PLCH1: variants seen among roughly 807,000 people sequenced by gnomAD.
The protein encoded by PLCH1 is 1-phosphatidylinositol 4,5-bisphosphate phosphodiesterase eta-1.
A neutral mutation model predicts 126.7 loss-of-function variants in PLCH1; 60 were observed. The ratio of observed to expected loss-of-function variants is 0.47; its 90% confidence interval spans 0.38 to 0.59. The LOEUF (loss-of-function observed/expected upper bound fraction) is 0.59, where lower values mean the gene tolerates loss of function less well. Among genes scored for constraint, PLCH1 ranks in the 20% least tolerant of loss-of-function variants. The pLI, the probability that PLCH1 is intolerant of heterozygous loss-of-function variation, is 0.00. For synonymous variants in PLCH1, 719 were observed against 734.9 expected (o/e 0.98, Z 0.35); for missense variants, 1,723 against 2,040.0 (o/e 0.84, Z 2.99).
In PLCH1 at chr3:155,566,165, A is replaced by G. The variant is rs1309373310; in HGVS notation, c.866-1047T>C. Among the ~76,000 whole-genome samples the G allele has an allele frequency of 5.1e-3, 411 of 80,680 alleles. 4 individuals are homozygous for G. The highest frequency in any genetic ancestry group is 6.5e-3 in the Admixed American group (48 of 7,414). 52.9% of individuals were successfully genotyped at this position (80,680 alleles called of 152,430 possible). ...TGTATATATACATATATACACATACATATATACACATATATACACATATAT... is the reference window on the plus strand; with the variant it reads ...TGTATATATACATATATACACATACGTATATACACATATATACACATATAT... On this transcript the variant is annotated intron_variant, in intron 7 of 22. Coordinates refer to ENST00000460012, the MANE Select transcript of PLCH1 (RefSeq NM_014996.4).
intron 2 of PLCH1, among the ~76,000 whole-genome samples, chr3:155,649,998 T>C (rs1740528283): frequency 6.6e-6 from 1 of 151,698 alleles, no homozygotes; most frequent in African/African-American, 2.4e-5. Context: ...GAAGTAGAAT[T>C]AACAAGACTC....
intron 1 of PLCH1, among the ~76,000 whole-genome samples, chr3:155,707,443 C>G (rs1376192448): frequency 1.3e-5 from 2 of 152,140 alleles, no homozygotes; most frequent in Non-Finnish European, 1.5e-5. Flanking sequence ...AATCCCAACA[C>G]TTTGGGGGGC....
intron 7 of PLCH1, among the ~76,000 whole-genome samples, chr3:155,567,417 C>T (rs1728667798): frequency 6.6e-6 from 1 of 152,096 alleles, no homozygotes; most frequent in Non-Finnish European, 1.5e-5. Flanking sequence ...AATTACCTAC[C>T]ACCACAGGAA....
At chr3:155,562,335 C>T (rs1727747651) in intron 8 of PLCH1, among the ~76,000 whole-genome samples, 1 of 152,174 alleles carries the variant, frequency 6.6e-6, no homozygotes, top group African/African-American at 2.4e-5. Flanking sequence ...GTGATGACAA[C>T]TTTCCACATT....
Position 155,467,629 on chromosome 3 carries a change from G to T in PLCH1, c.2938+17727C>A, listed in dbSNP as rs572524262. ...GAGAAAATAAATAACATACAATAGAGTTACAATACATCTGGCTGCAGACTT... is the reference window on the plus strand; with the variant it reads ...GAGAAAATAAATAACATACAATAGATTTACAATACATCTGGCTGCAGACTT... On this transcript the variant is annotated intron_variant, in intron 21 of 21. Coordinates refer to the PLCH1 transcript ENST00000494598. 3.8e-4 allele frequency among the ~76,000 whole-genome samples: 58 copies of T among 151,868 alleles called. 1 individual carries two copies. Among genetic ancestry groups the T allele is most frequent in the Non-Finnish European group, 1.5e-5 (1 of 67,976 alleles).
At chr3:155,612,919 A>AAAAAG (rs1267901367) in intron 2 of PLCH1, among the ~76,000 whole-genome samples, 3 of 151,446 alleles carry the variant, frequency 2.0e-5, no homozygotes, top group South Asian at 2.1e-4. Context: ...AAAAAAAAAA[A>AAAAAG]AAAAAAGAAA....
chr3:155,655,440 A>AAAAG (rs552933138), intron 2 of PLCH1, among the ~76,000 whole-genome samples: 3 of 151,150 alleles, frequency 2.0e-5, no homozygotes, highest in South Asian at 4.2e-4. Context: ...AGAAAAAAAA[A>AAAAG]AAGAAGAAGA....
At chr3:155,631,427 C>G (rs563646610) in intron 2 of PLCH1, among the ~76,000 whole-genome samples, 1 of 152,254 alleles carries the variant, frequency 6.6e-6, no homozygotes, top group African/African-American at 2.4e-5. Flanking sequence ...TGTCAACATC[C>G]GGGAGATGTA....
intron 10 of PLCH1, among the ~76,000 whole-genome samples, chr3:155,542,634 C>T (rs1724511683): frequency 1.3e-5 from 2 of 152,262 alleles, no homozygotes; most frequent in South Asian, 4.1e-4. Context: ...TGGGAGGCAC[C>T]CCCCAGTAGG....
intron 2 of PLCH1, among the ~76,000 whole-genome samples, chr3:155,662,535 A>G (rs1353124719): frequency 6.6e-6 from 1 of 151,892 alleles, no homozygotes; most frequent in Non-Finnish European, 1.5e-5. Context: ...TTTAATCTTA[A>G]GCCTAAAATA....
chr3:155,722,490 G>A (rs1414884084), intron 1 of PLCH1, among the ~76,000 whole-genome samples: 1 of 152,142 alleles, frequency 6.6e-6, no homozygotes, highest in Non-Finnish European at 1.5e-5. Context: ...CTTAATGTAT[G>A]TCCCTTCTAT....
At chr3:155,741,597 A>G (rs1410162534) in intron 1 of PLCH1, among the ~76,000 whole-genome samples, 1 of 151,802 alleles carries the variant, frequency 6.6e-6, no homozygotes, top group African/African-American at 2.4e-5. Context: ...TTCACTAAAA[A>G]TGTCTAGAAA....
chr3:155,616,506 A>G (rs1735820562), intron 2 of PLCH1, among the ~76,000 whole-genome samples: 1 of 152,208 alleles, frequency 6.6e-6, no homozygotes. Flanking sequence ...CTTTAACAGA[A>G]AATTGTAAAA....
At chr3:155,502,098 G>C (rs1008670342) in intron 13 of PLCH1, among the ~76,000 whole-genome samples, 1 of 152,138 alleles carries the variant, frequency 6.6e-6, no homozygotes, top group African/African-American at 2.4e-5. Flanking sequence ...TGCCAGTTTG[G>C]TTTGGAAACT....
At chr3:155,454,899 G>A (rs1235202430) in intron 21 of PLCH1, among the ~76,000 whole-genome samples, 3 of 152,156 alleles carry the variant, frequency 2.0e-5, no homozygotes, top group African/African-American at 7.2e-5. Flanking sequence ...CATAAAAGAT[G>A]AGGTGGGTCA....
chr3:155,639,414 T>A (rs1314719782), intron 2 of PLCH1, among the ~76,000 whole-genome samples: 1 of 152,194 alleles, frequency 6.6e-6, no homozygotes, highest in East Asian at 1.9e-4. Context: ...TGGGGCACGT[T>A]CATGTAACTG....
chr3:155,486,513 G>GTTT (rs397733786), intron 21 of PLCH1, among the ~76,000 whole-genome samples: 501 of 101,962 alleles, frequency 4.9e-3, no homozygotes, highest in Middle Eastern at 6.1e-3. Flanking sequence ...GCTCAAGTTT[G>GTTT]TTTTTTTTTT....
intron 1 of PLCH1, among the ~76,000 whole-genome samples, chr3:155,710,073 C>G (rs947029387): frequency 6.6e-6 from 1 of 152,156 alleles, no homozygotes; most frequent in Non-Finnish European, 1.5e-5. Context: ...CTGCAGCCTC[C>G]GTCTCCCAGG....
chr3:155,687,194 A>G (rs1484685044), intron 2 of PLCH1, among the ~76,000 whole-genome samples: 1 of 152,230 alleles, frequency 6.6e-6, no homozygotes, highest in African/African-American at 2.4e-5. Context: ...AATGAGAGAA[A>G]TAATGCTGAA....
Sources: allele counts gnomAD v4.1 joint callset (sites outside exome capture counted in the v4.1 genomes callset), GRCh38; gene constraint gnomAD v4.1.1; transcripts MANE v1.5; gene names NCBI Gene and HGNC (gene_info 2026-07-23, HGNC 2026-07-21).